Variants in ERH observed in about 807,000 individuals in gnomAD.
The protein encoded by ERH is enhancer of rudimentary homolog.
A neutral mutation model predicts 16.8 loss-of-function variants in ERH; 1 was observed. That is an observed-to-expected ratio of 0.06 (90% CI 0.02 to 0.28). The LOEUF (loss-of-function observed/expected upper bound fraction) is 0.28. Ranked by LOEUF, ERH falls within the 10% of genes least tolerant of loss-of-function variation. ERH has a pLI of 1.00. For synonymous variants in ERH, 43 were observed against 43.6 expected, an observed-to-expected ratio of 0.99 and a Z score of 0.05; for missense variants, 42 against 127.5, an observed-to-expected ratio of 0.33 and a Z score of 3.23.
rs751673267 is a variant in ERH, at chr14:69,380,616, G to A, written c.237C>T (p.Tyr79=). 2 of 1,611,070 alleles carry A rather than the reference G, an allele frequency of 1.2e-6. No homozygotes were observed. Among genetic ancestry groups the A allele is most frequent in the Admixed American group, 3.3e-5 (2 of 59,904 alleles). ...TAATCCAGTCTTTGTTATAAGGCTGGTATGTCTGGGTATCAGCTCGGTAAC... is the reference window on the plus strand; with the variant it reads ...TAATCCAGTCTTTGTTATAAGGCTGATATGTCTGGGTATCAGCTCGGTAAC... ...CLVYRADTQT[Y]QPYNKDWIKE... Residue 79 remains tyrosine (Y), a synonymous_variant, in exon 4 of 4, where the codon TAC becomes TAT. Transcript: ENST00000557016.
At chr14:69,387,641 A>G (rs971996793) in intron 2 of ERH, among the ~76,000 whole-genome samples, 3 of 145,328 alleles carry the variant, frequency 2.1e-5, no homozygotes, top group African/African-American at 5.2e-5. Flanking sequence ...GCTCAAACAA[A>G]TAACACTGTG....
At chr14:69,385,903 A>G (rs2045889223) in intron 3 of ERH, among the ~76,000 whole-genome samples, 1 of 152,026 alleles carries the variant, frequency 6.6e-6, no homozygotes, top group African/African-American at 2.4e-5. Context: ...TGCTCCTCCA[A>G]TCTCCTAAGA....
chr14:69,397,492 G>A (rs926534082), intron 1 of ERH, among the ~76,000 whole-genome samples: 1 of 151,146 alleles, frequency 6.6e-6, no homozygotes, highest in Non-Finnish European at 1.5e-5. Flanking sequence ...AACGAAAGCT[G>A]AAAAAACACT....
intron 1 of ERH, among the ~76,000 whole-genome samples, chr14:69,396,971 A>G (rs1469589441): frequency 6.6e-6 from 1 of 152,252 alleles, no homozygotes; most frequent in South Asian, 2.1e-4. Flanking sequence ...TGCCCTATAC[A>G]CTAGCTATCT....
chr14:69,394,126 G>A (rs561850777), intron 2 of ERH, among the ~76,000 whole-genome samples: 1 of 151,806 alleles, frequency 6.6e-6, no homozygotes, highest in African/African-American at 2.4e-5. Flanking sequence ...ATTAAAAACA[G>A]ACAGACACAC....
At chr14:69,381,674 C>A (rs181967347) in intron 3 of ERH, among the ~76,000 whole-genome samples, 138 of 152,060 alleles carry the variant, frequency 9.1e-4, no homozygotes, top group African/African-American at 3.3e-3. Flanking sequence ...CCTCACTTCC[C>A]ACCACCCCCA....
chr14:69,386,941 A>C (rs2045896921), intron 3 of ERH, 22 bp downstream of exon 3: 1 of 1,610,266 alleles, frequency 6.2e-7, no homozygotes, highest in Non-Finnish European at 8.5e-7. Flanking sequence ...ACAAGATAAA[A>C]GACATGTTGG....
chr14:69,387,146 T>C lies in ERH; in HGVS notation c.92-63A>G, dbSNP rs2045897538. The stretch of plus-strand genomic sequence containing the variant: ...CGCATACACTTCTAGATATGAGCAG[T>C]GCTTATGAGCTGTGCTATATGTTGA... On this transcript the variant is annotated intron_variant, in intron 2 of 3. Transcript: ENST00000557016. 7 of 1,413,920 alleles carry C rather than the reference T, an allele frequency of 5.0e-6. No homozygotes were observed. The South Asian group carries it at 5.9e-5, about 12-fold the overall frequency. 87.6% of individuals were successfully genotyped at this position (1,413,920 alleles called of 1,614,324 possible). A position where few individuals can be genotyped will look rare whatever the true frequency, so the allele number is the denominator to read the frequency against.
At chr14:69,394,539 G>A (rs1055495878) in intron 2 of ERH, among the ~76,000 whole-genome samples, 1 of 152,184 alleles carries the variant, frequency 6.6e-6, no homozygotes. Flanking sequence ...CGGAGGTTGC[G>A]TAAGCCGAGA....
intron 3 of ERH, among the ~76,000 whole-genome samples, chr14:69,380,883 C>G (rs2045859192): frequency 6.6e-6 from 1 of 152,180 alleles, no homozygotes; most frequent in Admixed American, 6.5e-5. Context: ...GTTAAATGCC[C>G]AATATGTTAC....
chr14:69,392,882 C>G (rs2140233588), intron 2 of ERH, among the ~76,000 whole-genome samples: 1 of 152,206 alleles, frequency 6.6e-6, no homozygotes, highest in South Asian at 2.1e-4. Flanking sequence ...GAATCAAAGA[C>G]CAAACATGAT....
chr14:69,383,169 G>A (rs1566899067), intron 3 of ERH, among the ~76,000 whole-genome samples: 1 of 152,130 alleles, frequency 6.6e-6, no homozygotes, highest in African/African-American at 2.4e-5. Flanking sequence ...AAAACATACA[G>A]ATCAGAAAAC....
rs57516317 is a variant in ERH at position 69,387,695 on chromosome 14, C to CAAAAA, written c.92-617_92-613dup. ...AGTAATTCTTCCTAAAGCCACAGAG[C>CAAAAA]AAAAAAAAAAAAAAAATTGGCAACA... On this transcript the variant is annotated intron_variant, in intron 2 of 3. Coordinates refer to ENST00000557016, the MANE Select transcript of ERH (RefSeq NM_004450.3). Among the ~76,000 whole-genome samples, 9 of 113,396 alleles carry CAAAAA rather than the reference C, an allele frequency of 7.9e-5. 1 individual carries two copies. Among genetic ancestry groups the CAAAAA allele is most frequent in the African/African-American group, 1.8e-4 (5 of 28,064 alleles). 74.4% of individuals were successfully genotyped at this position (113,396 alleles called of 152,430 possible).
intron 3 of ERH, among the ~76,000 whole-genome samples, chr14:69,384,768 G>T (rs2045881684): frequency 6.6e-6 from 1 of 152,160 alleles, no homozygotes; most frequent in Non-Finnish European, 1.5e-5. Flanking sequence ...TTATGTACCA[G>T]AGATGCAGCA....
intron 3 of ERH, 88 bp downstream of exon 3, chr14:69,386,875 T>A (rs1004268088): frequency 4.3e-5 from 55 of 1,269,236 alleles, no homozygotes; most frequent in Non-Finnish European, 5.8e-5. Flanking sequence ...ATCAGGCACA[T>A]AATTAGCTCC....
intron 2 of ERH, among the ~76,000 whole-genome samples, chr14:69,393,432 T>C (rs1299276586): frequency 6.6e-6 from 1 of 152,102 alleles, no homozygotes; most frequent in East Asian, 1.9e-4. Flanking sequence ...ACAAAGGAAA[T>C]GTGGTGTATG....
At chr14:69,398,107 C>G (rs1049249431) in intron 1 of ERH, 124 bp downstream of exon 1, 3 of 1,206,062 alleles carry the variant, frequency 2.5e-6, no homozygotes, top group Non-Finnish European at 3.6e-6. Flanking sequence ...AATCCACCGA[C>G]TAGAGTGGCG....
chr14:69,394,832 G>A lies in ERH; in HGVS notation c.84C>T (p.Cys28=). 6.2e-7 allele frequency: 1 copy of A among 1,610,504 alleles called. No individual in the cohort carries two copies. The highest frequency in any genetic ancestry group is 2.2e-5 in the East Asian group (1 of 44,848). Residue 28 remains cysteine, a synonymous_variant, in exon 2 of 4, where the codon TGC becomes TGT. Coordinates refer to ENST00000557016, the MANE Select transcript of ERH (RefSeq NM_004450.3). ...GATTAGTGTTAAACTCACCTTCCAT[G>A]CATTCATTCACAGATTCGTAGTCAG... ...TYADYESVNE[C]MEGVCKMYEE...
chr14:69,394,940 A>T, intron 1 of ERH, 28 bp from the exon 2 acceptor site: 1 of 1,486,848 alleles, frequency 6.7e-7, no homozygotes, highest in Non-Finnish European at 9.3e-7. Context: ...ATTTCAATAT[A>T]AGTTTCTATT....
Sources: allele counts gnomAD v4.1 joint callset (sites outside exome capture counted in the v4.1 genomes callset), GRCh38; gene constraint gnomAD v4.1.1; transcripts MANE v1.5; gene names NCBI Gene and HGNC (gene_info 2026-07-23, HGNC 2026-07-21).